GFRAL: variants seen among roughly 807,000 people sequenced by gnomAD.
The protein encoded by GFRAL is GDNF family receptor alpha like.
In GFRAL, 36 loss-of-function variants were observed where a neutral mutation model predicts 45.4. That is an observed-to-expected ratio of 0.79 (90% CI 0.61 to 1.05). The LOEUF is 1.05. Among genes scored for constraint, GFRAL ranks in the 50% least tolerant of loss-of-function variants. The probability of loss-of-function intolerance (pLI) is 0.00; values close to 1 mark genes in which losing one functional copy is unlikely to be tolerated. For missense variants in GFRAL, 507 were observed against 467.5 expected (o/e 1.08, Z -0.78); for synonymous variants, 166 against 154.1 (o/e 1.08, Z -0.57).
intron 6 of GFRAL, among the ~76,000 whole-genome samples, chr6:55,382,991 A>G (rs183823613): frequency 5.5e-4 from 84 of 152,098 alleles, no homozygotes; most frequent in African/African-American, 1.9e-3. Context: ...ATATGGGTAG[A>G]AAATTTCTGG....
intron 3 of GFRAL, among the ~76,000 whole-genome samples, chr6:55,334,671 T>C (rs952397772): frequency 9.2e-6 from 1 of 108,834 alleles, no homozygotes; most frequent in Non-Finnish European, 2.0e-5. Flanking sequence ...ACCTCTCATC[T>C]ACACGGAATG....
At chr6:55,342,640 A>G (rs925996396) in intron 3 of GFRAL, among the ~76,000 whole-genome samples, 6 of 152,016 alleles carry the variant, frequency 3.9e-5, no homozygotes, top group African/African-American at 1.4e-4. Context: ...ATAACCAGCT[A>G]ACATCATAAT....
intron 6 of GFRAL, among the ~76,000 whole-genome samples, chr6:55,371,505 G>C (rs1381884549): frequency 2.0e-5 from 3 of 151,998 alleles, no homozygotes; most frequent in Non-Finnish European, 4.4e-5. Flanking sequence ...TGGTGATAGT[G>C]AGCACCCTTG....
rs150897690 is a variant in GFRAL, at chr6:55,390,886, T to TCA, written c.953-8287_953-8286dup. On this transcript the variant is annotated intron_variant, in intron 6 of 8. Coordinates refer to ENST00000340465, the MANE Select transcript of GFRAL (RefSeq NM_207410.2). ...CTCGGCGACAGAGCGAGACTCCATC[T>TCA]CACACACATACACACACACACACAC... Among the ~76,000 whole-genome samples the TCA allele has an allele frequency of 4.6e-3, 234 of 50,738 alleles. 3 individuals carry two copies. The highest frequency in any genetic ancestry group is 0.018 in the African/African-American group (194 of 10,828). The allele number at this position is 50,738 out of a possible 152,430, so 33.3% of individuals were successfully genotyped here. A position where few individuals can be genotyped will look rare whatever the true frequency, so the allele number is the denominator to read the frequency against.
In GFRAL at chr6:55,327,577, G is replaced by A; in HGVS notation, c.22+1G>A. Reference sequence around the variant, plus strand: ...AGCATGATAGTGTTTATTTTCTTGGGTAAGTGAATGGTGCTTCTGGTTTAT... The same window carrying A: ...AGCATGATAGTGTTTATTTTCTTGGATAAGTGAATGGTGCTTCTGGTTTAT... On this transcript the variant is annotated splice_donor_variant, in intron 1 of 8. Coordinates refer to ENST00000340465, the MANE Select transcript of GFRAL (RefSeq NM_207410.2). LOFTEE classifies it high-confidence loss of function. 1.2e-6 allele frequency: 2 copies of A among 1,612,448 alleles called. No homozygotes were observed. Among genetic ancestry groups the A allele is most frequent in the Non-Finnish European group, 1.7e-6 (2 of 1,178,790 alleles).
At chr6:55,346,902 T>G (rs957371125) in intron 3 of GFRAL, among the ~76,000 whole-genome samples, 1 of 138,448 alleles carries the variant, frequency 7.2e-6, no homozygotes, top group Non-Finnish European at 1.5e-5. Flanking sequence ...AAATTGAACA[T>G]TAACATTATG....
intron 3 of GFRAL, among the ~76,000 whole-genome samples, chr6:55,349,050 T>C (rs1439904124): frequency 6.6e-6 from 1 of 152,050 alleles, no homozygotes; most frequent in Non-Finnish European, 1.5e-5. Flanking sequence ...CAGATCTTCC[T>C]CAGAGAGGCG....
chr6:55,357,119 AC>A (rs1768205677), intron 5 of GFRAL, among the ~76,000 whole-genome samples: 1 of 151,922 alleles, frequency 6.6e-6, no homozygotes, highest in Non-Finnish European at 1.5e-5. Context: ...CATATGGGTT[AC>A]CATTGACAAC....
chr6:55,379,140 C>T (rs2127362674), intron 6 of GFRAL, among the ~76,000 whole-genome samples: 1 of 152,056 alleles, frequency 6.6e-6, no homozygotes, highest in South Asian at 2.1e-4. Flanking sequence ...GTATATGTTA[C>T]ACACTGTGCC....
intron 3 of GFRAL, among the ~76,000 whole-genome samples, chr6:55,346,974 A>G (rs1768052077): frequency 6.6e-6 from 1 of 152,094 alleles, no homozygotes; most frequent in Non-Finnish European, 1.5e-5. Context: ...ATGCTAGTTA[A>G]GTTGATAGTG....
At chr6:55,392,793 C>T (rs1227731058) in intron 6 of GFRAL, among the ~76,000 whole-genome samples, 1 of 151,762 alleles carries the variant, frequency 6.6e-6, no homozygotes, top group Non-Finnish European at 1.5e-5. Flanking sequence ...AATACCTGGG[C>T]GATAAAATAA....
chr6:55,390,274 A>AC (rs1768731557), intron 6 of GFRAL, among the ~76,000 whole-genome samples: 1 of 152,130 alleles, frequency 6.6e-6, no homozygotes, highest in African/African-American at 2.4e-5. Flanking sequence ...GTATATTATA[A>AC]CCCCCCTGAA....
Position 55,330,622 on chromosome 6 carries a change from T to C in GFRAL, c.23-1093T>C, listed in dbSNP as rs144678911. Among the ~76,000 whole-genome samples the C allele has an allele frequency of 2.4e-4, 37 of 152,140 alleles. No homozygotes were observed. The East Asian group carries it at 6.2e-3, about 25-fold the overall frequency. On this transcript the variant is annotated intron_variant, in intron 1 of 8. Coordinates refer to ENST00000340465, the MANE Select transcript of GFRAL (RefSeq NM_207410.2). ...GGATCAGACAGTAGGTATGCAGAGGTAGAAGACAGCATGGATCATTCGGGA... is the reference window on the plus strand; with the variant it reads ...GGATCAGACAGTAGGTATGCAGAGGCAGAAGACAGCATGGATCATTCGGGA...
At chr6:55,390,993 T>G (rs12663965) in intron 6 of GFRAL, among the ~76,000 whole-genome samples, 21,935 of 151,208 alleles carry the variant, frequency 0.15, 2,218 homozygotes, top group African/African-American at 0.28. Flanking sequence ...TACAGCAAAA[T>G]AGAAGTGAAT....
At chr6:55,339,096 T>C (rs144989822) in intron 3 of GFRAL, among the ~76,000 whole-genome samples, 6 of 152,276 alleles carry the variant, frequency 3.9e-5, no homozygotes, top group Admixed American at 3.9e-4. Flanking sequence ...ATAAAATATA[T>C]ACTTAAGGTA....
chr6:55,336,871 T>C (rs1469854692), intron 3 of GFRAL, among the ~76,000 whole-genome samples: 3 of 152,138 alleles, frequency 2.0e-5, no homozygotes, highest in African/African-American at 7.2e-5. Context: ...GTTCTCTTTA[T>C]CAAGTGGAGG....
chr6:55,362,491 C>T (rs942774066), intron 6 of GFRAL, among the ~76,000 whole-genome samples: 4 of 151,982 alleles, frequency 2.6e-5, no homozygotes, highest in African/African-American at 4.8e-5. Context: ...CCAACCTCCA[C>T]TTACCTACTA....
intron 6 of GFRAL, 76 bp downstream of exon 6, chr6:55,359,214 G>A (rs1768241101): frequency 1.7e-6 from 2 of 1,186,984 alleles, no homozygotes; most frequent in Non-Finnish European, 2.3e-6. Context: ...TTTTGTTTTT[G>A]CCTATACAGT....
chr6:55,360,874 G>A (rs1768265868), intron 6 of GFRAL, among the ~76,000 whole-genome samples: 1 of 151,748 alleles, frequency 6.6e-6, no homozygotes, highest in South Asian at 2.1e-4. Flanking sequence ...AAGGTATGAA[G>A]AAAAATGTTG....
Sources: allele counts gnomAD v4.1 joint callset (sites outside exome capture counted in the v4.1 genomes callset), GRCh38; gene constraint gnomAD v4.1.1; transcripts MANE v1.5; gene names NCBI Gene and HGNC (gene_info 2026-07-23, HGNC 2026-07-21).